Variants in S100PBP observed in about 807,000 individuals in gnomAD.
S100PBP encodes the protein S100P-binding protein.
In S100PBP, 15 loss-of-function variants were observed where a neutral mutation model predicts 39.9. The ratio of observed to expected loss-of-function variants is 0.38; its 90% confidence interval spans 0.25 to 0.58. S100PBP has a LOEUF of 0.58. Among genes scored for constraint, S100PBP ranks in the 20% least tolerant of loss-of-function variants. The pLI, the probability that S100PBP is intolerant of heterozygous loss-of-function variation, is 0.70. For missense variants in S100PBP, 504 were observed against 487.3 expected (o/e 1.03, Z -0.32); for synonymous variants, 178 against 180.3 (o/e 0.99, Z 0.10).
chr1:32,856,083 G>A lies in S100PBP; in HGVS notation c.*45G>A. ...AATGAAGGTCCCTATCCAGGGTCCT[G>A]CTTGGAGCAGCATTTCATGTTCTTT... is the stretch of plus-strand genomic sequence containing the variant. On this transcript the variant is annotated 3_prime_UTR_variant, in exon 7 of 7. Coordinates refer to ENST00000373475, the MANE Select transcript of S100PBP (RefSeq NM_022753.4). The A allele has an allele frequency of 8.3e-7, 1 of 1,200,124 alleles. No homozygotes were observed. Among genetic ancestry groups the A allele is most frequent in the Non-Finnish European group, 1.2e-6 (1 of 810,088 alleles). 74.3% of individuals were successfully genotyped at this position (1,200,124 alleles called of 1,614,324 possible). A position where few individuals can be genotyped will look rare whatever the true frequency, so the allele number is the denominator to read the frequency against.
At chr1:32,848,618 G>C (rs1640482823) in intron 5 of S100PBP, among the ~76,000 whole-genome samples, 1 of 152,322 alleles carries the variant, frequency 6.6e-6, no homozygotes, top group South Asian at 2.1e-4. Flanking sequence ...GATTGAGTTA[G>C]GGTCATGTGG....
chr1:32,832,414 A>G (rs1345070649), intron 5 of S100PBP, among the ~76,000 whole-genome samples: 1 of 152,178 alleles, frequency 6.6e-6, no homozygotes, highest in African/African-American at 2.4e-5. Context: ...TTTTGTGTAT[A>G]TTTGACAATT....
chr1:32,839,376 A>G (rs1639987018), intron 5 of S100PBP, among the ~76,000 whole-genome samples: 1 of 152,242 alleles, frequency 6.6e-6, no homozygotes, highest in Admixed American at 6.5e-5. Context: ...TTATCCATTT[A>G]TATATCAATG....
intron 5 of S100PBP, among the ~76,000 whole-genome samples, chr1:32,839,132 C>T (rs1300530823): frequency 1.3e-5 from 2 of 152,096 alleles, no homozygotes; most frequent in East Asian, 3.9e-4. Flanking sequence ...AATAACTCCC[C>T]ATTCCCCTCC....
rs1466002171 is a variant in S100PBP at position 32,856,396 on chromosome 1, C to T, written c.*358C>T. Reference sequence around the variant, plus strand: ...TCTCTGCAGAGGCAAAGTCTACTTTCTGGTACCTCAAAGAAATCATTGTTC... The same window carrying T: ...TCTCTGCAGAGGCAAAGTCTACTTTTTGGTACCTCAAAGAAATCATTGTTC... On this transcript the variant is annotated 3_prime_UTR_variant, in exon 7 of 7. Transcript: ENST00000373475. 1 of 159,824 alleles carries T rather than the reference C, an allele frequency of 6.3e-6. No homozygotes were observed. Among genetic ancestry groups the T allele is most frequent in the Non-Finnish European group, 1.4e-5 (1 of 72,632 alleles). The allele number at this position is 159,824 out of a possible 1,614,324, so 9.9% of individuals were successfully genotyped here. A position where few individuals can be genotyped will look rare whatever the true frequency, so the allele number is the denominator to read the frequency against.
Position 32,826,530 on chromosome 1 carries a change from T to C in S100PBP, c.431T>C (p.Ile144Thr), listed in dbSNP as rs533713823. The C allele has an allele frequency of 1.2e-6, 2 of 1,614,010 alleles. No individual in the cohort carries two copies. Among genetic ancestry groups the C allele is most frequent in the Non-Finnish European group, 8.5e-7 (1 of 1,180,022 alleles). ...CGCTCTGTACTAGAAAAGAATCTTATAAAAGTAACTGTTGCACCATTTAAT... is the reference window on the plus strand; with the variant it reads ...CGCTCTGTACTAGAAAAGAATCTTACAAAAGTAACTGTTGCACCATTTAAT... The part of the protein sequence containing the change: ...NRRSVLEKNL[I>T]KVTVAPFNPT... Residue 144 changes from isoleucine to threonine, a missense_variant, in exon 3 of 7, where the codon ATA becomes ACA. Ile to Thr is a moderately conservative substitution (Grantham distance 89). Transcript: ENST00000373475.
chr1:32,829,960 C>A lies in S100PBP; in HGVS notation c.921-4C>A. 2 of 1,609,324 alleles carry A rather than the reference C, an allele frequency of 1.2e-6. No homozygotes were observed. The highest frequency in any genetic ancestry group is 1.7e-6 in the Non-Finnish European group (2 of 1,176,236). On this transcript the variant is annotated splice_polypyrimidine_tract_variant and splice_region_variant and intron_variant, in intron 4 of 6. Coordinates refer to ENST00000373475, the MANE Select transcript of S100PBP (RefSeq NM_022753.4). Reference sequence around the variant, plus strand: ...TTTCTTTTTTCTGGTTTGCTTTATTCAAGGACTAATGTTCCGACGTTTTCA... The same window carrying A: ...TTTCTTTTTTCTGGTTTGCTTTATTAAAGGACTAATGTTCCGACGTTTTCA...
At chr1:32,841,799 A>G (rs1640109269) in intron 5 of S100PBP, among the ~76,000 whole-genome samples, 1 of 151,976 alleles carries the variant, frequency 6.6e-6, no homozygotes, top group Admixed American at 6.6e-5. Flanking sequence ...CTTTGCTTAA[A>G]AGAAAAGGCC....
intron 5 of S100PBP, chr1:32,835,922 T>C (rs1204660194): frequency 6.6e-6 from 1 of 152,176 alleles, no homozygotes; most frequent in Non-Finnish European, 1.5e-5. Flanking sequence ...ACTATGAACA[T>C]GGGTCTACAG....
intron 2 of S100PBP, 123 bp from the exon 3 acceptor site, chr1:32,825,975 T>A: frequency 1.5e-6 from 1 of 665,874 alleles, no homozygotes; most frequent in Non-Finnish European, 2.6e-6. Context: ...TAAAATTATT[T>A]CTTATGCTAC....
At position 32,850,023 on chromosome 1, in the gene S100PBP, T is replaced by C. The variant is rs74658326; in HGVS notation, c.1025-3056T>C. 4.0e-3 allele frequency among the ~76,000 whole-genome samples: 604 copies of C among 152,356 alleles called. 7 individuals are homozygous for C. The highest frequency in any genetic ancestry group is 0.014 in the African/African-American group (567 of 41,580). On this transcript the variant is annotated intron_variant, in intron 5 of 6. Transcript: ENST00000373475. ...GGCTTGATATATAATGTTATATAAA[T>C]TGCTGCTGCTGGATTTGATTCCTAG...
At chr1:32,823,074 A>G (rs966786755) in intron 1 of S100PBP, among the ~76,000 whole-genome samples, 3 of 152,212 alleles carry the variant, frequency 2.0e-5, no homozygotes, top group African/African-American at 4.8e-5. Flanking sequence ...TTCTAACATT[A>G]TTAGCTATGT....
At chr1:32,818,003 G>C (rs990230773) in intron 1 of S100PBP, 2 of 152,608 alleles carry the variant, frequency 1.3e-5, no homozygotes, top group African/African-American at 4.8e-5. Context: ...GGCCGCCTCT[G>C]TCCCGGCCGG....
intron 5 of S100PBP, among the ~76,000 whole-genome samples, chr1:32,838,756 T>A (rs983204969): frequency 6.6e-6 from 1 of 151,640 alleles, no homozygotes. Context: ...GGCAGGAGAA[T>A]CGCTGGAACC....
chr1:32,826,443 A>G lies in S100PBP; in HGVS notation c.344A>G (p.Lys115Arg), dbSNP rs745695882. ...GTAGCTGAGACTCCTGACCTCTTCAAACTACCTCAGCTAAGTACATCAAGT... is the reference window on the plus strand; with the variant it reads ...GTAGCTGAGACTCCTGACCTCTTCAGACTACCTCAGCTAAGTACATCAAGT... ...GPVAETPDLF[K>R]LPQLSTSSGH... The change falls in exon 3 of 7, where the codon AAA becomes AGA. Residue 115 changes from lysine (K) to arginine (R), a missense_variant. Lys to Arg is a conservative substitution (Grantham distance 26, BLOSUM62 2). Transcript: ENST00000373475. 20 of 1,614,042 alleles carry G rather than the reference A, an allele frequency of 1.2e-5. No individual in the cohort carries two copies. The highest frequency in any genetic ancestry group is 4.0e-5 in the African/African-American group (3 of 74,914).
chr1:32,839,590 C>T (rs1014699939), intron 5 of S100PBP, among the ~76,000 whole-genome samples: 2 of 152,146 alleles, frequency 1.3e-5, no homozygotes, highest in African/African-American at 4.8e-5. Context: ...TGCAGTGGCA[C>T]AACCGTAGTG....
At chr1:32,851,663 C>T (rs1321424901) in intron 5 of S100PBP, among the ~76,000 whole-genome samples, 2 of 151,982 alleles carry the variant, frequency 1.3e-5, no homozygotes, top group East Asian at 1.9e-4. Context: ...GAGACTCCAT[C>T]TCCCACCCCA....
At chr1:32,827,947 T>A in intron 3 of S100PBP, 46 bp from the exon 4 acceptor site, 1 of 1,297,570 alleles carries the variant, frequency 7.7e-7, no homozygotes, top group Non-Finnish European at 1.1e-6. Context: ...GCTTTTCTTA[T>A]AACTAAGAAT....
intron 1 of S100PBP, chr1:32,824,827 CATATATAT>C (rs56900503): frequency 7.7e-6 from 1 of 129,594 alleles, no homozygotes; most frequent in African/African-American, 3.2e-5. Flanking sequence ...TTTTTCTATA[CATATATAT>C]ATATATATAT....
Sources: gnomAD v4.1 joint callset for allele counts (sites outside exome capture counted in the v4.1 genomes callset) on GRCh38, gnomAD v4.1.1 for gene constraint, MANE v1.5 for transcripts, NCBI Gene and HGNC (gene_info 2026-07-23, HGNC 2026-07-21) for gene names.